The following SDC2 variants were observed in gnomAD, a reference collection of about 807,000 sequenced individuals.
SDC2 encodes syndecan 2, also known as syndecan-2.
A neutral mutation model predicts 22.2 loss-of-function variants in SDC2; 13 were observed. The observed-to-expected ratio is 0.59, with a 90% confidence interval of 0.38 to 0.93. The LOEUF is 0.93. SDC2 is among the 40% of genes least tolerant of loss of function. The probability of loss-of-function intolerance (pLI) is 0.00; values close to 1 mark genes in which losing one functional copy is unlikely to be tolerated. For synonymous variants in SDC2, 94 were observed against 92.8 expected, an observed-to-expected ratio of 1.01 and a Z score of -0.07; for missense variants, 235 against 246.8, an observed-to-expected ratio of 0.95 and a Z score of 0.32.
intron 3 of SDC2, among the ~76,000 whole-genome samples, chr8:96,605,237 A>G (rs1167110139): frequency 6.6e-6 from 1 of 152,230 alleles, no homozygotes; most frequent in East Asian, 1.9e-4. Flanking sequence ...TACAGTAACT[A>G]CTTAGGTCCA....
At position 96,602,515 on chromosome 8, in the gene SDC2, C is replaced by T. The variant is rs1455342280; in HGVS notation, c.293C>T (p.Pro98Leu). 25 of 1,613,976 alleles carry T rather than the reference C, an allele frequency of 1.5e-5. No homozygotes were observed. In the East Asian group the frequency reaches 5.6e-4, roughly 36 times the overall value. ...ACGCTGAATATACAGAACAAGATAC[C>T]TGCTCAGACAAAGGTGCGTTCTATT... ...TTTLNIQNKIPAQTKSPEETD... is the reference protein window; with the variant it reads ...TTTLNIQNKILAQTKSPEETD... The change falls in exon 3 of 5, where the codon CCT (proline) becomes CTT (leucine). Residue 98 changes from proline (P) to leucine (L), a missense_variant. Transcript: ENST00000302190.
chr8:96,592,552 A>G (rs754323252), intron 1 of SDC2, among the ~76,000 whole-genome samples: 4 of 152,116 alleles, frequency 2.6e-5, no homozygotes, highest in Non-Finnish European at 4.4e-5. Flanking sequence ...TAAAATATCA[A>G]TTTACTAAAA....
intron 1 of SDC2, among the ~76,000 whole-genome samples, chr8:96,522,956 T>C (rs1344824621): frequency 6.6e-6 from 1 of 152,192 alleles, no homozygotes; most frequent in African/African-American, 2.4e-5. Flanking sequence ...TGCTTTTGCC[T>C]AGGGTTGGAA....
intron 1 of SDC2, among the ~76,000 whole-genome samples, chr8:96,548,959 T>G (rs1297338912): frequency 6.6e-6 from 1 of 152,036 alleles, no homozygotes; most frequent in Non-Finnish European, 1.5e-5. Flanking sequence ...ACACGTGGAG[T>G]AGATGCCATA....
At chr8:96,545,506 G>A (rs1813916908) in intron 1 of SDC2, among the ~76,000 whole-genome samples, 1 of 152,206 alleles carries the variant, frequency 6.6e-6, no homozygotes, top group Admixed American at 6.5e-5. Context: ...AGTGGATGGA[G>A]AGGAGATGAT....
At chr8:96,542,854 G>A (rs537222004) in intron 1 of SDC2, among the ~76,000 whole-genome samples, 1 of 152,116 alleles carries the variant, frequency 6.6e-6, no homozygotes. Flanking sequence ...ATACCTATTT[G>A]CCTGGATTAA....
intron 1 of SDC2, among the ~76,000 whole-genome samples, chr8:96,564,839 C>A (rs908313187): frequency 1.3e-5 from 2 of 152,038 alleles, no homozygotes; most frequent in Non-Finnish European, 2.9e-5. Context: ...CCCTGCCCAC[C>A]GTTTTGGGAG....
At chr8:96,495,251 G>C (rs1011404462) in intron 1 of SDC2, among the ~76,000 whole-genome samples, 7 of 152,248 alleles carry the variant, frequency 4.6e-5, no homozygotes, top group African/African-American at 1.7e-4. Flanking sequence ...GCCGGGAGGA[G>C]TCTCGTCTCC....
intron 2 of SDC2, 83 bp downstream of exon 2, chr8:96,593,674 C>G (rs755013779): frequency 1.1e-6 from 1 of 893,428 alleles, no homozygotes; most frequent in East Asian, 2.5e-5. Context: ...TTCAAGGAGA[C>G]AGGCAGGATG....
intron 1 of SDC2, among the ~76,000 whole-genome samples, chr8:96,537,945 T>TG (rs1554601573): frequency 9.4e-5 from 3 of 31,988 alleles, no homozygotes; most frequent in Non-Finnish European, 4.5e-4. Flanking sequence ...AAAGCTTATG[T>TG]TTTGTTTTTT....
intron 1 of SDC2, among the ~76,000 whole-genome samples, chr8:96,571,908 T>A (rs1814401696): frequency 6.6e-6 from 1 of 152,208 alleles, no homozygotes; most frequent in East Asian, 1.9e-4. Flanking sequence ...TGGGAGCATT[T>A]ATTATTATTG....
chr8:96,503,431 T>C (rs955672057), intron 1 of SDC2, among the ~76,000 whole-genome samples: 1 of 152,234 alleles, frequency 6.6e-6, no homozygotes, highest in African/African-American at 2.4e-5. Flanking sequence ...TATAAACCTA[T>C]GTATAGTGAG....
At chr8:96,577,315 A>G (rs570819332) in intron 1 of SDC2, among the ~76,000 whole-genome samples, 1 of 152,356 alleles carries the variant, frequency 6.6e-6, no homozygotes, top group South Asian at 2.1e-4. Flanking sequence ...TGATTCATCT[A>G]AAACCTGGTT....
chr8:96,576,383 TG>T lies in SDC2; in HGVS notation c.61-17096del, dbSNP rs1276163675. 3.7e-3 allele frequency among the ~76,000 whole-genome samples: 323 copies of T among 88,294 alleles called. 30 individuals are homozygous for T. Among genetic ancestry groups the T allele is most frequent in the African/African-American group, 7.9e-3 (175 of 22,122 alleles). The allele number at this position is 88,294 out of a possible 152,430, so 57.9% of individuals were successfully genotyped here. A position where few individuals can be genotyped will look rare whatever the true frequency, so the allele number is the denominator to read the frequency against. On this transcript the variant is annotated intron_variant, in intron 1 of 4. Transcript: ENST00000302190. ...TTGGTAGTTTGTTTTTGTTTTGTTT[TG>T]TTTTTTTTTACCAGATTTGCTTTAT...
chr8:96,502,813 A>G (rs12056723), intron 1 of SDC2, among the ~76,000 whole-genome samples: 9,172 of 152,258 alleles, frequency 0.06, 361 homozygotes, highest in East Asian at 0.16. Context: ...GTGAGACACA[A>G]TAAGTAGGGA....
chr8:96,581,641 A>T, intron 1 of SDC2, among the ~76,000 whole-genome samples: 1 of 152,052 alleles, frequency 6.6e-6, no homozygotes, highest in Non-Finnish European at 1.5e-5. Flanking sequence ...CTTAAAAAAA[A>T]AAAAAGGTAA....
At chr8:96,593,648 AT>A in intron 2 of SDC2, 57 bp downstream of exon 2, 4 of 1,110,940 alleles carry the variant, frequency 3.6e-6, no homozygotes, top group Admixed American at 1.7e-5. Context: ...ACGCACACAC[AT>A]TTTACTGTGC....
At chr8:96,518,065 C>T (rs1167824797) in intron 1 of SDC2, among the ~76,000 whole-genome samples, 2 of 152,038 alleles carry the variant, frequency 1.3e-5, no homozygotes, top group African/African-American at 4.8e-5. Flanking sequence ...GAGTGGGGTG[C>T]ATTTTAGATA....
intron 1 of SDC2, among the ~76,000 whole-genome samples, chr8:96,577,613 GT>G (rs1162065236): frequency 6.6e-6 from 1 of 152,008 alleles, no homozygotes; most frequent in Non-Finnish European, 1.5e-5. Flanking sequence ...TTACATTAAG[GT>G]TTACACCTTG....
Sources: gnomAD v4.1 joint callset for allele counts (sites outside exome capture counted in the v4.1 genomes callset) on GRCh38, gnomAD v4.1.1 for gene constraint, MANE v1.5 for transcripts, NCBI Gene and HGNC (gene_info 2026-07-23, HGNC 2026-07-21) for gene names.